Variants in TLE2 observed in about 807,000 individuals in gnomAD.
TLE2 encodes TLE family member 2, transcriptional corepressor.
Under a neutral mutation model 97.2 loss-of-function variants are expected in TLE2, and 74 were observed. The ratio of observed to expected loss-of-function variants is 0.76; its 90% CI spans 0.63 to 0.92. The LOEUF (loss-of-function observed/expected upper bound fraction) is 0.92, where lower values mean the gene tolerates loss of function less well. Among genes scored for constraint, TLE2 ranks in the 40% least tolerant of loss-of-function variants. The pLI, the probability that TLE2 is intolerant of heterozygous loss-of-function variation, is 0.00. For synonymous variants in TLE2, 499 were observed against 432.1 expected, an observed-to-expected ratio of 1.15 and a Z score of -1.92; for missense variants, 1,038 against 1,008.7, an observed-to-expected ratio of 1.03 and a Z score of -0.39.
chr19:2,999,687 G>A (rs536967454), intron 19 of TLE2, among the ~76,000 whole-genome samples: 24 of 146,108 alleles, frequency 1.6e-4, no homozygotes, highest in South Asian at 4.4e-4. Context: ...AGATAGTGCC[G>A]CTGCACTCCA....
At chr19:3,008,104 A>G (rs1299420234) in intron 14 of TLE2, among the ~76,000 whole-genome samples, 1 of 144,976 alleles carries the variant, frequency 6.9e-6, no homozygotes, top group Non-Finnish European at 1.5e-5. Flanking sequence ...AAAACAAAAC[A>G]AAACTTTTCA....
At position 3,003,729 on chromosome 19, in the gene TLE2, G is replaced by A. The variant is rs567983925; in HGVS notation, c.1897-1226C>T. On this transcript the variant is annotated intron_variant, in intron 17 of 19. Coordinates refer to ENST00000262953, the MANE Select transcript of TLE2 (RefSeq NM_003260.5). ...GGAATGTTCCTTTTTGAGACAGACA[G>A]GGTCTTGCTCTGTCGCCCAGGCTGG... Among the ~76,000 whole-genome samples the A allele has an allele frequency of 3.3e-5, 5 of 151,474 alleles. No homozygotes were observed. In the South Asian group the frequency reaches 1.1e-3, roughly 32 times the overall value.
chr19:3,029,460 G>C, upstream of TLE2: 5 of 976,920 alleles, frequency 5.1e-6, no homozygotes, highest in Non-Finnish European at 6.1e-6. Flanking sequence ...GGGTGGGGAG[G>C]CGCCCAGTGC....
chr19:3,003,802 T>C (rs1052377365), intron 17 of TLE2, among the ~76,000 whole-genome samples: 9 of 151,830 alleles, frequency 5.9e-5, no homozygotes, highest in African/African-American at 1.9e-4. Context: ...CCTCCTCCCA[T>C]GCTCAAGTGA....
At chr19:3,044,699 C>T (rs1433367895) in intron 1 of TLE2, among the ~76,000 whole-genome samples, 2 of 152,172 alleles carry the variant, frequency 1.3e-5, no homozygotes, top group Non-Finnish European at 2.9e-5. Flanking sequence ...GGATTACAGG[C>T]GTGAGCCACT....
rs771903858 is a variant in TLE2, at chr19:3,019,808, T to C, written c.295-35A>G. On this transcript the variant is annotated intron_variant, in intron 5 of 19. Coordinates refer to ENST00000262953, the MANE Select transcript of TLE2 (RefSeq NM_003260.5). This position sits in a 1 kb window ranked among gnomAD's most constrained non-coding sequence, Gnocchi z 5.1. Reference sequence around the variant, plus strand: ...GGAAGGGATCAGGTAGAGGGTACATTGAGCCCCTGCTCATGCTAGCGGTGC... The same window carrying C: ...GGAAGGGATCAGGTAGAGGGTACATCGAGCCCCTGCTCATGCTAGCGGTGC... The C allele has an allele frequency of 6.3e-7, 1 of 1,599,308 alleles. No homozygotes were observed. Among genetic ancestry groups the C allele is most frequent in the Admixed American group, 1.7e-5 (1 of 57,976 alleles).
chr19:3,021,116 G>GA (rs1568245430), intron 5 of TLE2, among the ~76,000 whole-genome samples: 1 of 64,442 alleles, frequency 1.6e-5, no homozygotes, highest in Non-Finnish European at 3.2e-5. Context: ...AAAAAAAAAG[G>GA]GGGGGGGGTG....
At chr19:3,014,678 C>A in intron 9 of TLE2, 64 bp from the exon 10 acceptor site, 1 of 1,444,132 alleles carries the variant, frequency 6.9e-7, no homozygotes, top group South Asian at 1.4e-5. Context: ...CCCCTATCCG[C>A]TCCTCAGGAG....
At position 3,043,537 on chromosome 19, in the gene TLE2, C is replaced by G. The variant is rs551888670; in HGVS notation, c.63+2189G>C. On this transcript the variant is annotated intron_variant, in intron 1 of 18. Transcript: ENST00000426948. ...CCTGGGACCTGCATCATGGGTCGCACCTGTAATCCCGGCAGTTTGGGAGGC... is the reference window on the plus strand; with the variant it reads ...CCTGGGACCTGCATCATGGGTCGCAGCTGTAATCCCGGCAGTTTGGGAGGC... 4.0e-3 allele frequency among the ~76,000 whole-genome samples: 609 copies of G among 151,980 alleles called. 5 individuals are homozygous for G. The highest frequency in any genetic ancestry group is 0.014 in the African/African-American group (589 of 41,460).
chr19:3,010,234 C>A (rs1291530756), intron 12 of TLE2, among the ~76,000 whole-genome samples: 1 of 151,868 alleles, frequency 6.6e-6, no homozygotes, highest in Non-Finnish European at 1.5e-5. Context: ...CATGGTGGTG[C>A]ATGCCCGTAA....
chr19:3,013,893 G>A (rs893250470), intron 10 of TLE2, 75 bp from the exon 11 acceptor site: 9 of 1,319,250 alleles, frequency 6.8e-6, no homozygotes, highest in South Asian at 2.6e-5. Flanking sequence ...TCCTCCTCCC[G>A]ACTCCCACCC....
rs199740101 is a variant in TLE2, at chr19:3,025,024, T to C, written c.290A>G (p.Gln97Arg). 75 of 1,450,408 alleles carry C rather than the reference T, an allele frequency of 5.2e-5. No homozygotes were observed. The highest frequency in any genetic ancestry group is 6.9e-5 in the Non-Finnish European group (74 of 1,065,486). The allele number at this position is 1,450,408 out of a possible 1,614,324, so 89.8% of individuals were successfully genotyped here. ...CCCACCCCCAGGCCCACTCACCTCC[T>C]GGGTCAGGAAGGGGATAATCTGAGC... ...ICAQIIPFLT[Q>R]EHQQQVLQAV... Residue 97 changes from glutamine to arginine, a missense_variant, in exon 5 of 20, where the codon CAG becomes CGG. Physicochemically the swap from Gln to Arg is conservative, Grantham distance 43 (BLOSUM62 1). Coordinates refer to ENST00000262953, the MANE Select transcript of TLE2 (RefSeq NM_003260.5).
rs1004639018 is a variant in TLE2, at chr19:3,015,057, C to G, written c.679-443G>C. On this transcript the variant is annotated intron_variant, in intron 9 of 19. Transcript: ENST00000262953. ...ATAAATAAATAAATAAAATTCATTG[C>G]CAAAAAAAAAAAAAAAAAGCTATTA... Among the ~76,000 whole-genome samples, 162 of 22,734 alleles carry G rather than the reference C, an allele frequency of 7.1e-3. 1 individual carries two copies. Among genetic ancestry groups the G allele is most frequent in the African/African-American group, 0.019 (154 of 8,212 alleles). 14.9% of individuals were successfully genotyped at this position (22,734 alleles called of 152,430 possible). A position where few individuals can be genotyped will look rare whatever the true frequency, so the allele number is the denominator to read the frequency against.
chr19:3,015,082 A>G (rs991736326), intron 9 of TLE2, among the ~76,000 whole-genome samples: 3 of 140,242 alleles, frequency 2.1e-5, no homozygotes, highest in Non-Finnish European at 3.1e-5. Flanking sequence ...AAAAGCTATT[A>G]GGTAAAAAGG....
In TLE2 at chr19:3,006,414, C is replaced by T; in HGVS notation, c.1500+6G>A. On this transcript the variant is annotated splice_donor_region_variant and intron_variant, in intron 15 of 19. Transcript: ENST00000262953. ...AGTCCCGCCCACTGTCCCACCCCGC[C>T]CTCACCAGGCAGTCGAGCTGGGCCA... The T allele has an allele frequency of 6.2e-7, 1 of 1,609,268 alleles. No homozygotes were observed. The highest frequency in any genetic ancestry group is 1.3e-5 in the African/African-American group (1 of 74,966).
At chr19:3,013,988 ATTT>A (rs35309457) in intron 10 of TLE2, among the ~76,000 whole-genome samples, 170 bp from the exon 11 acceptor site, 1 of 145,828 alleles carries the variant, frequency 6.9e-6, no homozygotes, top group Non-Finnish European at 1.5e-5. Flanking sequence ...TGTAAAATGT[ATTT>A]TTTTTTTTTT....
chr19:3,039,892 C>G (rs892635435), intron 1 of TLE2, among the ~76,000 whole-genome samples: 1 of 152,208 alleles, frequency 6.6e-6, no homozygotes, highest in East Asian at 1.9e-4. Flanking sequence ...ACCCCACCTC[C>G]GCCACTGCGT....
intron 1 of TLE2, among the ~76,000 whole-genome samples, chr19:3,039,326 C>T (rs1472210574): frequency 6.6e-6 from 1 of 151,980 alleles, no homozygotes; most frequent in Admixed American, 6.6e-5. Flanking sequence ...AAACTCCCTA[C>T]CTCTGTCTAT....
At position 3,040,380 on chromosome 19, in the gene TLE2, G is replaced by A. The variant is rs560198245; in HGVS notation, c.63+5346C>T. Among the ~76,000 whole-genome samples the A allele has an allele frequency of 5.9e-5, 9 of 152,012 alleles. No individual in the cohort carries two copies. The East Asian group carries it at 1.5e-3, about 26-fold the overall frequency. On this transcript the variant is annotated intron_variant, in intron 1 of 18. Coordinates refer to the TLE2 transcript ENST00000426948. ...TTTTTTAAGACAGTCTCGCTCTGTC[G>A]ACCAGGCTGGAGTGCAGTGGCTCGA...
Sources: allele counts gnomAD v4.1 joint callset (sites outside exome capture counted in the v4.1 genomes callset), GRCh38; gene constraint gnomAD v4.1.1; non-coding constraint Gnocchi (gnomAD v3.1); transcripts MANE v1.5; gene names NCBI Gene and HGNC (gene_info 2026-07-23, HGNC 2026-07-21).